Variants in TNKS2 observed in about 807,000 individuals in gnomAD.
The protein encoded by TNKS2 is tankyrase 2, also known as poly [ADP-ribose] polymerase tankyrase-2.
Under a neutral mutation model 137.6 loss-of-function variants are expected in TNKS2, and 72 were observed. The observed-to-expected ratio is 0.52, with a 90% CI of 0.43 to 0.64. The LOEUF (loss-of-function observed/expected upper bound fraction) is 0.64, where lower values mean the gene tolerates loss of function less well. TNKS2 is among the 30% of genes least tolerant of loss of function. The pLI is 0.00. For missense variants in TNKS2, 1,049 were observed against 1,410.2 expected, an observed-to-expected ratio of 0.74 and a Z score of 4.10; for synonymous variants, 516 against 512.1, an observed-to-expected ratio of 1.01 and a Z score of -0.10.
At chr10:91,818,344 C>CT (rs1491526091) in intron 3 of TNKS2, among the ~76,000 whole-genome samples, 3 of 151,814 alleles carry the variant, frequency 2.0e-5, no homozygotes, top group East Asian at 3.9e-4. Context: ...ATAGTTAATC[C>CT]TTTTTTATAT....
At chr10:91,809,607 A>G (rs887360986) in intron 1 of TNKS2, among the ~76,000 whole-genome samples, 8 of 151,378 alleles carry the variant, frequency 5.3e-5, no homozygotes, top group Admixed American at 1.3e-4. Flanking sequence ...CGGAGCTTGC[A>G]GTGAGCCGAG....
chr10:91,806,656 CTA>C (rs1410742112), intron 1 of TNKS2, among the ~76,000 whole-genome samples: 7 of 152,200 alleles, frequency 4.6e-5, no homozygotes, highest in African/African-American at 1.7e-4. Flanking sequence ...ATAATTGAGA[CTA>C]CACTGCTATA....
At position 91,859,506 on chromosome 10, in the gene TNKS2, A is replaced by G; in HGVS notation, c.3139A>G (p.Arg1047Gly). The change falls in exon 25 of 27, where the codon AGG becomes GGG. Residue 1047 changes from arginine to glycine, a missense_variant. Coordinates refer to ENST00000371627, the MANE Select transcript of TNKS2 (RefSeq NM_025235.4). ...NAIIHKGFDERHAYIGGMFGA... is the reference protein window; with the variant it reads ...NAIIHKGFDEGHAYIGGMFGA... The stretch of plus-strand genomic sequence containing the variant: ...AATTATCCACAAAGGCTTTGATGAA[A>G]GGCATGCGTACATAGGTGGTATGTT... 1.2e-6 allele frequency: 2 copies of G among 1,612,332 alleles called. No individual in the cohort carries two copies. Among genetic ancestry groups the G allele is most frequent in the Non-Finnish European group, 1.7e-6 (2 of 1,179,200 alleles).
intron 21 of TNKS2, among the ~76,000 whole-genome samples, chr10:91,853,072 A>G (rs1842597052): frequency 6.6e-6 from 1 of 152,246 alleles, no homozygotes; most frequent in African/African-American, 2.4e-5. Flanking sequence ...TACTGGAATA[A>G]TACTGATCTG....
At chr10:91,839,250 A>G (rs551640785) in intron 13 of TNKS2, among the ~76,000 whole-genome samples, 1 of 152,296 alleles carries the variant, frequency 6.6e-6, no homozygotes, top group East Asian at 1.9e-4. Context: ...CATACTTTTC[A>G]TAACTACACT....
rs1287860243 is a variant in TNKS2 at position 91,799,197 on chromosome 10, A to G, written c.199+308A>G. Among the ~76,000 whole-genome samples the G allele has an allele frequency of 3.3e-5, 5 of 152,142 alleles. No homozygotes were observed. In the East Asian group the frequency reaches 5.8e-4, roughly 18 times the overall value. On this transcript the variant is annotated intron_variant, in intron 1 of 26. Coordinates refer to ENST00000371627, the MANE Select transcript of TNKS2 (RefSeq NM_025235.4). ...TACCAACTTCCGGTCTTGTTACCCT[A>G]GAAGGCCTCTACACACAAGAAAGAG...
chr10:91,855,740 G>C (rs749607875), intron 23 of TNKS2, 52 bp downstream of exon 23: 1 of 1,320,470 alleles, frequency 7.6e-7, no homozygotes. Context: ...TTCAAAGCCT[G>C]AAGCCATAAG....
chr10:91,859,785 C>T (rs1842805566), intron 25 of TNKS2, 137 bp downstream of exon 25: 1 of 595,674 alleles, frequency 1.7e-6, no homozygotes, highest in African/African-American at 1.9e-5. Flanking sequence ...GGCCCTCTCA[C>T]CAATTGTAAT....
intron 1 of TNKS2, among the ~76,000 whole-genome samples, chr10:91,801,634 C>T (rs561410511): frequency 5.9e-5 from 9 of 151,952 alleles, no homozygotes; most frequent in East Asian, 4.0e-4. Flanking sequence ...CTGCCACGCC[C>T]GGCAAATTTT....
At chr10:91,809,809 A>G (rs1844441786) in intron 1 of TNKS2, among the ~76,000 whole-genome samples, 1 of 152,040 alleles carries the variant, frequency 6.6e-6, no homozygotes, top group South Asian at 2.1e-4. Flanking sequence ...ATCTTTCTTT[A>G]AAGAAAAAAA....
chr10:91,827,745 A>C (rs1304167899), intron 8 of TNKS2, among the ~76,000 whole-genome samples: 9 of 152,236 alleles, frequency 5.9e-5, no homozygotes, highest in Non-Finnish European at 1.5e-5. Context: ...ATAATAAAGA[A>C]TGATTGGTAG....
chr10:91,841,255 G>T lies in TNKS2; in HGVS notation c.1674-28G>T. 4 of 1,481,470 alleles carry T rather than the reference G, an allele frequency of 2.7e-6. No homozygotes were observed. In the South Asian group the frequency reaches 4.3e-5, roughly 16 times the overall value. 91.8% of individuals were successfully genotyped at this position (1,481,470 alleles called of 1,614,324 possible). On this transcript the variant is annotated intron_variant, in intron 14 of 26. Transcript: ENST00000371627. ...TTAAATTAAAACATGTTCTTCTGTG[G>T]CATTATTGTTCATTTATTACTTTTC...
chr10:91,830,256 C>T (rs571880311), intron 9 of TNKS2, among the ~76,000 whole-genome samples: 14 of 152,230 alleles, frequency 9.2e-5, no homozygotes, highest in Non-Finnish European at 7.4e-5. Context: ...CTTGCTCTGT[C>T]GCCCACGCTA....
At chr10:91,839,668 C>A (rs1842149349) in intron 13 of TNKS2, among the ~76,000 whole-genome samples, 1 of 152,152 alleles carries the variant, frequency 6.6e-6, no homozygotes, top group Admixed American at 6.5e-5. Flanking sequence ...TCAGCATCAC[C>A]CAAGAACTTG....
chr10:91,817,162 C>T lies in TNKS2; in HGVS notation c.453C>T (p.Thr151=). 2 of 1,613,714 alleles carry T rather than the reference C, an allele frequency of 1.2e-6. No individual in the cohort carries two copies. Among genetic ancestry groups the T allele is most frequent in the Middle Eastern group, 1.7e-4 (1 of 6,050 alleles). The change falls in exon 3 of 27, where the codon ACC becomes ACT. Residue 151 remains threonine, a synonymous_variant. Transcript: ENST00000371627. ...TGTTACAGCATGGAGCTGAGCCAAC[C>T]ATCCGAAATACAGATGGAAGGACAG... The part of the protein sequence containing the change: ...IVLLQHGAEP[T]IRNTDGRTAL...
At chr10:91,816,819 T>A (rs759445014) in intron 2 of TNKS2, among the ~76,000 whole-genome samples, 1 of 152,152 alleles carries the variant, frequency 6.6e-6, no homozygotes. Context: ...AAACAAGCTT[T>A]TAAGCACACT....
intron 2 of TNKS2, among the ~76,000 whole-genome samples, chr10:91,816,815 G>C (rs1010532732): frequency 6.6e-6 from 1 of 151,642 alleles, no homozygotes; most frequent in African/African-American, 2.4e-5. Context: ...GAGAAAACAA[G>C]CTTTTAAGCA....
At chr10:91,848,785 C>T in intron 19 of TNKS2, 150 bp downstream of exon 19, 3 of 842,598 alleles carry the variant, frequency 3.6e-6, no homozygotes, top group East Asian at 2.7e-5. Flanking sequence ...CCTTGTATTA[C>T]TTTCTTCCTT....
chr10:91,831,191 C>G lies in TNKS2; in HGVS notation c.1275+10C>G. On this transcript the variant is annotated intron_variant, in intron 11 of 26. Transcript: ENST00000371627. ...GAAACATGAAGCAAAGGTATACTTCCTTTTTGGTAATCTTTGGTAATCCAA... is the reference window on the plus strand; with the variant it reads ...GAAACATGAAGCAAAGGTATACTTCGTTTTTGGTAATCTTTGGTAATCCAA... The G allele has an allele frequency of 1.9e-6, 3 of 1,611,272 alleles. No homozygotes were observed. Among genetic ancestry groups the G allele is most frequent in the Non-Finnish European group, 2.5e-6 (3 of 1,177,932 alleles).
Sources: gnomAD v4.1 joint callset for allele counts (sites outside exome capture counted in the v4.1 genomes callset) on GRCh38, gnomAD v4.1.1 for gene constraint, MANE v1.5 for transcripts, NCBI Gene and HGNC (gene_info 2026-07-23, HGNC 2026-07-21) for gene names.